Variants in ENTREP2 observed in about 807,000 individuals in gnomAD.
ENTREP2 encodes the protein protein ENTREP2.
chr15:29,379,150 G>A, the ENTREP2 span, among the ~76,000 whole-genome samples: 2 of 152,208 alleles, frequency 1.3e-5, no homozygotes, highest in African/African-American at 4.8e-5. Flanking sequence ...GTTCCTAGAT[G>A]GGCCTCATGA....
the ENTREP2 span, among the ~76,000 whole-genome samples, chr15:29,509,000 C>T: frequency 1.3e-5 from 2 of 152,168 alleles, no homozygotes; most frequent in Non-Finnish European, 2.9e-5. Flanking sequence ...ATTTAGAAAA[C>T]CTCATCATCT....
chr15:29,424,851 C>A, the ENTREP2 span, among the ~76,000 whole-genome samples: 1 of 152,190 alleles, frequency 6.6e-6, no homozygotes, highest in African/African-American at 2.4e-5. Context: ...ACAAGACCAG[C>A]AAGCCTTATC....
the ENTREP2 span, among the ~76,000 whole-genome samples, chr15:29,194,381 C>A: frequency 6.6e-6 from 1 of 152,228 alleles, no homozygotes. Flanking sequence ...ACAACTCCTG[C>A]CTCCTTTGAG....
chr15:29,319,173 T>C, the ENTREP2 span, among the ~76,000 whole-genome samples: 3 of 152,216 alleles, frequency 2.0e-5, no homozygotes, highest in Non-Finnish European at 4.4e-5. Context: ...AAATAGTTAA[T>C]GGCAGGCCAC....
chr15:29,532,259 C>T, the ENTREP2 span, among the ~76,000 whole-genome samples: 5 of 152,254 alleles, frequency 3.3e-5, no homozygotes, highest in South Asian at 1.0e-3. Context: ...ACAAACAGCT[C>T]AGGAAGTGAT....
chr15:29,551,633 A>G, the ENTREP2 span, among the ~76,000 whole-genome samples: 2 of 152,126 alleles, frequency 1.3e-5, 1 homozygote, highest in South Asian at 4.2e-4. Context: ...ATTAAAAAAT[A>G]AGACAATGAT....
chr15:29,567,198 C>T, the ENTREP2 span, among the ~76,000 whole-genome samples: 1 of 152,060 alleles, frequency 6.6e-6, no homozygotes, highest in Non-Finnish European at 1.5e-5. Context: ...GGAAACTGCA[C>T]AGCTCTGTAT....
chr15:29,441,184 T>A, the ENTREP2 span, among the ~76,000 whole-genome samples: 3 of 152,190 alleles, frequency 2.0e-5, no homozygotes, highest in Non-Finnish European at 4.4e-5. Context: ...CTGAGGACAC[T>A]GTGCTGAGCA....
At chr15:29,518,164 A>G in the ENTREP2 span, among the ~76,000 whole-genome samples, 1 of 152,130 alleles carries the variant, frequency 6.6e-6, no homozygotes, top group Non-Finnish European at 1.5e-5. Flanking sequence ...TATGATTGCT[A>G]CACTCCAGCC....
the ENTREP2 span, among the ~76,000 whole-genome samples, chr15:29,518,094 G>A: frequency 1.3e-5 from 2 of 152,136 alleles, no homozygotes; most frequent in African/African-American, 4.8e-5. Context: ...GCACATGCCT[G>A]TAGCAGGGAG....
At chr15:29,664,446 C>CTCT in the ENTREP2 span, among the ~76,000 whole-genome samples, 1 of 148,364 alleles carries the variant, frequency 6.7e-6, no homozygotes, top group African/African-American at 2.6e-5. Context: ...TTTTCTCTCT[C>CTCT]TCTTTTTTTT....
the ENTREP2 span, among the ~76,000 whole-genome samples, chr15:29,242,831 G>C: frequency 1.3e-5 from 2 of 152,238 alleles, no homozygotes; most frequent in South Asian, 4.1e-4. Flanking sequence ...GAAGGCCCTT[G>C]CATCGATGTC....
chr15:29,174,977 T>C, the ENTREP2 span, among the ~76,000 whole-genome samples: 39 of 152,180 alleles, frequency 2.6e-4, no homozygotes, highest in Non-Finnish European at 4.0e-4. Context: ...AGACACTGAA[T>C]ATATATGAGA....
chr15:29,123,824 C>T, the ENTREP2 span, among the ~76,000 whole-genome samples: 1 of 152,178 alleles, frequency 6.6e-6, no homozygotes, highest in Admixed American at 6.5e-5. Context: ...CTTCTCAACC[C>T]CAAACTGAAC....
the ENTREP2 span, among the ~76,000 whole-genome samples, chr15:29,674,710 G>T: frequency 7.3e-5 from 11 of 151,100 alleles, no homozygotes; most frequent in East Asian, 9.9e-4. Context: ...ATGCCGGGGG[G>T]GCGGAGGGAA....
the ENTREP2 span, among the ~76,000 whole-genome samples, chr15:29,573,647 CT>C: frequency 1.6e-4 from 24 of 150,742 alleles, no homozygotes; most frequent in African/African-American, 3.4e-4. Flanking sequence ...CTCTCCCCCC[CT>C]CTCTCTCTCC....
the ENTREP2 span, among the ~76,000 whole-genome samples, chr15:29,546,717 TCTACTAAAAATACAA>T: frequency 6.6e-6 from 1 of 151,760 alleles, no homozygotes; most frequent in East Asian, 2.0e-4. Context: ...AAACCCTGTC[TCTACTAAAAATACAA>T]ACAAATTAGC....
At chr15:29,498,496 C>T in the ENTREP2 span, among the ~76,000 whole-genome samples, 1 of 152,096 alleles carries the variant, frequency 6.6e-6, no homozygotes, top group African/African-American at 2.4e-5. Flanking sequence ...AGAAATATTA[C>T]ATAATTTGAT....
the ENTREP2 span, among the ~76,000 whole-genome samples, chr15:29,324,476 A>G: frequency 6.6e-6 from 1 of 152,184 alleles, no homozygotes; most frequent in Non-Finnish European, 1.5e-5. Context: ...AAACTATCAG[A>G]GTAGATAAAA....
Sources: gnomAD v4.1 joint callset for allele counts (sites outside exome capture counted in the v4.1 genomes callset) on GRCh38, gnomAD v4.1.1 for gene constraint, MANE v1.5 for transcripts, NCBI Gene and HGNC (gene_info 2026-07-23, HGNC 2026-07-21) for gene names.